The following BAHD1 variants were observed in gnomAD, a reference collection of about 807,000 sequenced individuals.
BAHD1 encodes the protein bromo adjacent homology domain containing 1, also known as bromo adjacent homology domain-containing 1 protein.
In BAHD1, 20 loss-of-function variants were observed where a neutral mutation model predicts 63.1. The observed-to-expected ratio is 0.32, with a 90% CI of 0.22 to 0.46. The LOEUF (loss-of-function observed/expected upper bound fraction) is 0.46. BAHD1 is among the 20% of genes least tolerant of loss of function. The pLI is 1.00. For synonymous variants in BAHD1, 408 were observed against 426.8 expected (o/e 0.96, Z 0.54); for missense variants, 939 against 1,071.8 (o/e 0.88, Z 1.73).
At chr15:40,442,583 C>T (rs1893435190) in intron 1 of BAHD1, among the ~76,000 whole-genome samples, 1 of 152,104 alleles carries the variant, frequency 6.6e-6, no homozygotes, top group South Asian at 2.1e-4. Context: ...GGGACATCTC[C>T]TAGTCGCCCA....
Position 40,459,460 on chromosome 15 carries a change from C to T in BAHD1, c.996C>T (p.Gly332=), listed in dbSNP as rs534764286. The T allele has an allele frequency of 5.6e-6, 9 of 1,613,618 alleles. No homozygotes were observed. The African/African-American group carries it at 8.0e-5, about 14-fold the overall frequency. ...TGAAGCCGGAGCCTGGGCGCCCAGG[C>T]GAGGAGTCACCTGCCCCTAAGCAGG... The part of the protein sequence containing the change: ...AALKPEPGRP[G]EESPAPKQEL... The change falls in exon 2 of 7, where the codon GGC becomes GGT. Residue 332 remains glycine (G), a synonymous_variant. Transcript: ENST00000416165.
At chr15:40,443,938 C>T (rs1893469064) in intron 1 of BAHD1, among the ~76,000 whole-genome samples, 1 of 152,196 alleles carries the variant, frequency 6.6e-6, no homozygotes, top group Non-Finnish European at 1.5e-5. Context: ...TTCCTTTACT[C>T]CCACTTGAAT....
At chr15:40,465,851 T>C in intron 6 of BAHD1, 90 bp from the exon 7 acceptor site, 5 of 1,364,762 alleles carry the variant, frequency 3.7e-6, no homozygotes, top group Non-Finnish European at 4.0e-6. Flanking sequence ...ATAGCCTAGC[T>C]CTCTGGGTCG....
chr15:40,446,820 C>G (rs1275281826), intron 1 of BAHD1, among the ~76,000 whole-genome samples: 1 of 152,140 alleles, frequency 6.6e-6, no homozygotes, highest in South Asian at 2.1e-4. Flanking sequence ...GTCTTTCTGC[C>G]GTTCTCTTGA....
At chr15:40,453,113 G>T (rs998159514) in intron 1 of BAHD1, among the ~76,000 whole-genome samples, 1 of 152,158 alleles carries the variant, frequency 6.6e-6, no homozygotes, top group Admixed American at 6.5e-5. Context: ...AGGTTGGCCT[G>T]CCTGCCTCTG....
chr15:40,441,547 C>T (rs1893401959), intron 1 of BAHD1, among the ~76,000 whole-genome samples: 1 of 149,848 alleles, frequency 6.7e-6, no homozygotes, highest in Non-Finnish European at 1.5e-5. Context: ...TGACAGCCCC[C>T]GGGGGCCGCC....
At chr15:40,461,888 C>G in intron 2 of BAHD1, 24 bp from the exon 3 acceptor site, 1 of 1,568,720 alleles carries the variant, frequency 6.4e-7, no homozygotes, top group Non-Finnish European at 8.7e-7. Context: ...TTGTCCTGTC[C>G]TGACCACTCT....
chr15:40,458,714 C>T lies in BAHD1; in HGVS notation c.250C>T (p.Arg84Trp), dbSNP rs199747519. Residue 84 changes from arginine (R) to tryptophan (W), a missense_variant, in exon 2 of 7, where the codon CGG becomes TGG. Physicochemically the swap from Arg to Trp is moderately radical, Grantham distance 101. Transcript: ENST00000416165. The surrounding 1 kb of genome is among the most constrained non-coding windows in gnomAD (Gnocchi z 4.7). ...LTRLENVAGP[R>W]SADEADELPP... The stretch of plus-strand genomic sequence containing the variant: ...TCGCCTGGAGAATGTGGCCGGTCCC[C>T]GGAGTGCAGATGAGGCTGATGAGCT... 2.0e-5 allele frequency: 32 copies of T among 1,613,726 alleles called. No individual in the cohort carries two copies. Among genetic ancestry groups the T allele is most frequent in the African/African-American group, 5.3e-5 (4 of 75,054 alleles).
intron 1 of BAHD1, among the ~76,000 whole-genome samples, chr15:40,450,940 C>G (rs1013943714): frequency 2.5e-4 from 38 of 152,100 alleles, no homozygotes; most frequent in African/African-American, 8.2e-4. Flanking sequence ...GAGTTTGAGA[C>G]CAGCCTGGCC....
At chr15:40,447,811 A>C (rs998740041) in intron 1 of BAHD1, among the ~76,000 whole-genome samples, 1 of 152,056 alleles carries the variant, frequency 6.6e-6, no homozygotes, top group Admixed American at 6.6e-5. Context: ...CTGAGACAAG[A>C]GGTATTGGGT....
In BAHD1 at chr15:40,466,046, A is replaced by T. The variant is rs1445372595; in HGVS notation, c.2259A>T (p.Pro753=). 1 of 1,614,138 alleles carries T rather than the reference A, an allele frequency of 6.2e-7. No homozygotes were observed. Among genetic ancestry groups the T allele is most frequent in the East Asian group, 2.2e-5 (1 of 44,874 alleles). ...DYSTPPHRTV[P]EDTDPELVFL... is the part of the protein sequence containing the mutation. Reference sequence around the variant, plus strand: ...CCACCCCACCCCACCGCACAGTGCCAGAGGACACGGACCCTGAGCTGGTGT... The same window carrying T: ...CCACCCCACCCCACCGCACAGTGCCTGAGGACACGGACCCTGAGCTGGTGT... Residue 753 remains proline (P), a synonymous_variant, in exon 7 of 7, where the codon CCA becomes CCT. Transcript: ENST00000416165.
intron 5 of BAHD1, 145 bp downstream of exon 5, chr15:40,464,692 G>A (rs928196785): frequency 9.2e-6 from 6 of 655,298 alleles, no homozygotes; most frequent in African/African-American, 9.0e-5. Context: ...ACCTGGGAAA[G>A]GGCCCAGGAT....
chr15:40,462,340 G>C, intron 3 of BAHD1, 46 bp downstream of exon 3: 1 of 1,556,758 alleles, frequency 6.4e-7, no homozygotes, highest in Non-Finnish European at 8.7e-7. Context: ...GGAGGCAGTG[G>C]GGACACATGA....
At position 40,456,284 on chromosome 15, in the gene BAHD1, A is replaced by G. The variant is rs1008865712; in HGVS notation, c.-14-2167A>G. ...TGAGCCACCACGCCCGGCATTGCCA[A>G]TAAGCCTGCTGAGCAGACAGGGACG... On this transcript the variant is annotated intron_variant, in intron 1 of 6. Coordinates refer to ENST00000416165, the MANE Select transcript of BAHD1 (RefSeq NM_014952.5). Among the ~76,000 whole-genome samples, 4 of 152,198 alleles carry G rather than the reference A, an allele frequency of 2.6e-5. No individual in the cohort carries two copies. The East Asian group carries it at 5.8e-4, about 22-fold the overall frequency.
chr15:40,457,731 C>G (rs138127350), intron 1 of BAHD1, among the ~76,000 whole-genome samples: 1 of 152,176 alleles, frequency 6.6e-6, no homozygotes, highest in Non-Finnish European at 1.5e-5. Flanking sequence ...GACTCCTGGC[C>G]GGGGGCAGTG....
chr15:40,464,518 C>G lies in BAHD1; in HGVS notation c.2023C>G (p.Gln675Glu), dbSNP rs1894145465. Residue 675 changes from glutamine to glutamate, a missense_variant, in exon 5 of 7, where the codon CAG becomes GAG. Around this residue, in one of 5 missense-constraint regions of BAHD1, gnomAD observed 31 missense variants for 68.1 expected, o/e 0.46. Coordinates refer to ENST00000416165, the MANE Select transcript of BAHD1 (RefSeq NM_014952.5). ...GTGGTATTACAGACCTGAGCACTTACAGGGAGGCCGCAGTCCCAGCATGCA... is the reference window on the plus strand; with the variant it reads ...GTGGTATTACAGACCTGAGCACTTAGAGGGAGGCCGCAGTCCCAGCATGCA... Reference protein sequence around the residue: ...LLWYYRPEHLQGGRSPSMHEP... With the variant: ...LLWYYRPEHLEGGRSPSMHEP... 1 of 1,613,582 alleles carries G rather than the reference C, an allele frequency of 6.2e-7. No homozygotes were observed. Among genetic ancestry groups the G allele is most frequent in the Non-Finnish European group, 8.5e-7 (1 of 1,179,848 alleles).
chr15:40,462,413 T>C, intron 3 of BAHD1, 119 bp downstream of exon 3: 1 of 1,360,498 alleles, frequency 7.4e-7, no homozygotes, highest in South Asian at 1.4e-5. Flanking sequence ...GACAAGGGAC[T>C]CCAGTTTACT....
intron 1 of BAHD1, among the ~76,000 whole-genome samples, chr15:40,450,559 C>T (rs1893669960): frequency 1.3e-5 from 2 of 152,190 alleles, no homozygotes; most frequent in Non-Finnish European, 2.9e-5. Context: ...ACAAGGTTTT[C>T]CCTGGTTCTG....
At chr15:40,448,651 C>T (rs1375587387) in intron 1 of BAHD1, among the ~76,000 whole-genome samples, 1 of 152,158 alleles carries the variant, frequency 6.6e-6, no homozygotes, top group Non-Finnish European at 1.5e-5. Context: ...ATCCTCCCAC[C>T]TCAGCCTCCT....
Sources: gnomAD v4.1 joint callset for allele counts (sites outside exome capture counted in the v4.1 genomes callset) on GRCh38, gnomAD v4.1.1 for gene constraint, gnomAD v4.1.1 regional missense constraint, Gnocchi (gnomAD v3.1) non-coding constraint, MANE v1.5 for transcripts, NCBI Gene and HGNC (gene_info 2026-07-23, HGNC 2026-07-21) for gene names.